The following HMCN1 variants were observed in gnomAD, a reference collection of about 807,000 sequenced individuals.
HMCN1 encodes hemicentin-1.
HMCN1 carries 321 observed loss-of-function variants against 625.9 expected under a neutral mutation model. The observed-to-expected ratio is 0.51, with a 90% CI of 0.47 to 0.56. The LOEUF is 0.56. Ranked by LOEUF, HMCN1 falls within the 20% of genes least tolerant of loss-of-function variation. The probability of loss-of-function intolerance (pLI) is 0.00; values close to 1 mark genes in which losing one functional copy is unlikely to be tolerated. For synonymous variants in HMCN1, 2,425 were observed against 2,417.6 expected, an observed-to-expected ratio of 1.00 and a Z score of -0.09; for missense variants, 6,588 against 6,887.3, an observed-to-expected ratio of 0.96 and a Z score of 1.54.
In HMCN1 at chr1:185,947,048, C is replaced by A. The variant is rs1186047992; in HGVS notation, c.1828+13224C>A. On this transcript the variant is annotated intron_variant, in intron 11 of 106. Coordinates refer to ENST00000271588, the MANE Select transcript of HMCN1 (RefSeq NM_031935.3). Reference sequence around the variant, plus strand: ...ATAATGGTGTTTGAAATGTGGAATTCTTTTTTGTTGGCAGGGGTTGTGGGG... The same window carrying A: ...ATAATGGTGTTTGAAATGTGGAATTATTTTTTGTTGGCAGGGGTTGTGGGG... Among the ~76,000 whole-genome samples the A allele has an allele frequency of 2.6e-5, 4 of 152,038 alleles. No individual in the cohort carries two copies. The East Asian group carries it at 7.7e-4, about 29-fold the overall frequency.
In HMCN1 at chr1:186,172,047, C is replaced by T. The variant is rs775747785; in HGVS notation, c.15730C>T (p.His5244Tyr). 1.9e-6 allele frequency: 3 copies of T among 1,613,642 alleles called. No individual in the cohort carries two copies. The highest frequency in any genetic ancestry group is 2.7e-5 in the African/African-American group (2 of 75,008). Residue 5244 changes from histidine to tyrosine, a missense_variant, in exon 102 of 107, where the codon CAC becomes TAC. By Grantham distance (83) the His-to-Tyr change is moderately conservative. Coordinates refer to ENST00000271588, the MANE Select transcript of HMCN1 (RefSeq NM_031935.3). Reference protein sequence around the residue: ...CRQNVCRPDQHCKNTRGGYKC... With the variant: ...CRQNVCRPDQYCKNTRGGYKC... ...ACAAAATGTATGCAGACCAGATCAG[C>T]ACTGTAAGAACACCCGTGGTGGCTA...
chr1:185,735,079 A>G lies in HMCN1; in HGVS notation c.268+32A>G, dbSNP rs762069813. On this transcript the variant is annotated intron_variant, in intron 1 of 106. Transcript: ENST00000271588. ...GAAATATTTATACTTTGTCTTTGCT[A>G]TGTCTCATGATTACATTATTTCTCA... The G allele has an allele frequency of 1.4e-5, 23 of 1,596,234 alleles. No homozygotes were observed. In the Admixed American group the frequency reaches 3.5e-4, roughly 24 times the overall value.
At chr1:186,171,913 A>C in intron 101 of HMCN1, 93 bp from the exon 102 acceptor site, 1 of 1,159,098 alleles carries the variant, frequency 8.6e-7, no homozygotes, top group East Asian at 2.5e-5. Context: ...ATGTATATAT[A>C]AATAATATCC....
chr1:185,903,757 T>C (rs537981265), intron 4 of HMCN1, among the ~76,000 whole-genome samples: 2 of 151,944 alleles, frequency 1.3e-5, no homozygotes, highest in Admixed American at 1.3e-4. Context: ...TCCTCAGGAA[T>C]AGACTTGAAC....
At chr1:186,154,743 T>C (rs1650886193) in intron 97 of HMCN1, among the ~76,000 whole-genome samples, 1 of 152,190 alleles carries the variant, frequency 6.6e-6, no homozygotes, top group Non-Finnish European at 1.5e-5. Context: ...GGATTCCAAC[T>C]GTCATTTCTT....
At chr1:185,858,634 A>T (rs1329314070) in intron 2 of HMCN1, among the ~76,000 whole-genome samples, 23 of 37,914 alleles carry the variant, frequency 6.1e-4, no homozygotes, top group East Asian at 9.5e-4. Context: ...TTTTTTTTTT[A>T]GAGACGGGGA....
Position 185,928,661 on chromosome 1 carries a change from G to GT in HMCN1, c.1547dup (p.Ser517IlefsTer11). The GT allele has an allele frequency of 6.2e-7, 1 of 1,613,142 alleles. No individual in the cohort carries two copies. Among genetic ancestry groups the GT allele is most frequent in the South Asian group, 1.1e-5 (1 of 91,062 alleles). On this transcript the variant is annotated frameshift_variant, in exon 10 of 107. Transcript: ENST00000271588. LOFTEE classifies it high-confidence loss of function. ...TGGACGGGCACAGACATTTTTTGAC[G>GT]TATCAGGTAATTACCACTAATTTCT...
At chr1:185,743,525 C>A (rs1654130111) in intron 1 of HMCN1, among the ~76,000 whole-genome samples, 1 of 152,168 alleles carries the variant, frequency 6.6e-6, no homozygotes, top group Non-Finnish European at 1.5e-5. Flanking sequence ...GTCTGCCTAC[C>A]TTCCAATTTT....
At chr1:185,902,405 C>CTCTATCTATCTATCTATCTCTA (rs1665861071) in intron 4 of HMCN1, among the ~76,000 whole-genome samples, 3 of 145,358 alleles carry the variant, frequency 2.1e-5, no homozygotes, top group Non-Finnish European at 4.5e-5. Context: ...ATCTATCTAT[C>CTCTATCTATCTATCTATCTCTA]TCTATCTATC....
chr1:185,832,291 C>CA (rs1176930971), intron 1 of HMCN1, among the ~76,000 whole-genome samples: 1 of 150,818 alleles, frequency 6.6e-6, no homozygotes, highest in African/African-American at 2.4e-5. Context: ...GAAACTCTCT[C>CA]AAAAAAACAA....
At chr1:185,876,501 A>G (rs1663945012) in intron 4 of HMCN1, among the ~76,000 whole-genome samples, 1 of 152,008 alleles carries the variant, frequency 6.6e-6, no homozygotes, top group Admixed American at 6.6e-5. Flanking sequence ...TTTTCTGTAG[A>G]AGTTGTGCTA....
chr1:185,792,127 G>A (rs940339860), intron 1 of HMCN1, among the ~76,000 whole-genome samples: 3 of 152,166 alleles, frequency 2.0e-5, no homozygotes, highest in African/African-American at 7.2e-5. Flanking sequence ...AGAATATAGA[G>A]GTCATTTTAG....
intron 14 of HMCN1, among the ~76,000 whole-genome samples, chr1:185,968,190 A>G (rs1298996186): frequency 6.6e-6 from 1 of 152,056 alleles, no homozygotes; most frequent in Non-Finnish European, 1.5e-5. Context: ...TGCCTTTTTC[A>G]TTCTTATTAT....
chr1:186,187,579 C>T (rs1335964130), intron 105 of HMCN1, among the ~76,000 whole-genome samples: 1 of 152,174 alleles, frequency 6.6e-6, no homozygotes, highest in East Asian at 1.9e-4. Flanking sequence ...AACTCAAATG[C>T]AAGGTATTCC....
intron 68 of HMCN1, 72 bp downstream of exon 68, chr1:186,095,593 A>G: frequency 6.7e-7 from 1 of 1,487,006 alleles, no homozygotes; most frequent in South Asian, 1.3e-5. Flanking sequence ...AAATAAGTAT[A>G]ATTCTGAGAA....
At chr1:186,172,186 T>C (rs1485794902) in intron 102 of HMCN1, 55 bp downstream of exon 102, 1 of 1,603,424 alleles carries the variant, frequency 6.2e-7, no homozygotes, top group Non-Finnish European at 8.5e-7. Context: ...ACAAGTCAAG[T>C]AAGGCATTCA....
At chr1:186,131,832 GTAAAT>G (rs1314364031) in intron 85 of HMCN1, among the ~76,000 whole-genome samples, 1 of 152,076 alleles carries the variant, frequency 6.6e-6, no homozygotes, top group Non-Finnish European at 1.5e-5. Context: ...ATTATTATAA[GTAAAT>G]TAGTTTTTCA....
At chr1:186,107,761 T>TACAC (rs143520569) in intron 70 of HMCN1, among the ~76,000 whole-genome samples, 12 of 150,150 alleles carry the variant, frequency 8.0e-5, no homozygotes, top group Non-Finnish European at 4.5e-5. Flanking sequence ...CTTGCTTGGT[T>TACAC]ACACACACAC....
intron 97 of HMCN1, among the ~76,000 whole-genome samples, chr1:186,154,512 A>G (rs1650870093): frequency 6.6e-6 from 1 of 152,194 alleles, no homozygotes; most frequent in South Asian, 2.1e-4. Flanking sequence ...ACAAAGAGCA[A>G]AACTCCATCT....
Sources: allele counts gnomAD v4.1 joint callset (sites outside exome capture counted in the v4.1 genomes callset), GRCh38; gene constraint gnomAD v4.1.1; transcripts MANE v1.5; gene names NCBI Gene and HGNC (gene_info 2026-07-23, HGNC 2026-07-21).